The following ANO3 variants were observed in gnomAD, a reference collection of about 807,000 sequenced individuals.
ANO3 encodes the protein anoctamin 3.
In ANO3, 99 loss-of-function variants were observed where a neutral mutation model predicts 144.8. The ratio of observed to expected loss-of-function variants is 0.68; its 90% confidence interval spans 0.58 to 0.81. The LOEUF is 0.81. ANO3 is among the 30% of genes least tolerant of loss of function. The pLI, the probability that ANO3 is intolerant of heterozygous loss-of-function variation, is 0.00. For missense variants in ANO3, 905 were observed against 1,202.2 expected (o/e 0.75, Z 3.66); for synonymous variants, 414 against 392.6 (o/e 1.05, Z -0.64).
chr11:26,425,993 T>C (rs1264215204), intron 1 of ANO3, among the ~76,000 whole-genome samples: 1 of 152,138 alleles, frequency 6.6e-6, no homozygotes, highest in African/African-American at 2.4e-5. Context: ...TCCCGTGTAG[T>C]CTTAGTTTCT....
chr11:26,604,310 T>A (rs924112667), intron 17 of ANO3, among the ~76,000 whole-genome samples: 1 of 152,224 alleles, frequency 6.6e-6, no homozygotes, highest in African/African-American at 2.4e-5. Context: ...TTTTGGTTAC[T>A]GTAGCCTTGT....
intron 1 of ANO3, among the ~76,000 whole-genome samples, chr11:26,359,676 C>G (rs1855872496): frequency 6.6e-6 from 1 of 152,102 alleles, no homozygotes; most frequent in Non-Finnish European, 1.5e-5. Flanking sequence ...ATTTGGATTT[C>G]CTCTCAGTGC....
chr11:26,564,763 A>T (rs1197957646), intron 14 of ANO3, among the ~76,000 whole-genome samples: 3 of 98,766 alleles, frequency 3.0e-5, no homozygotes, highest in Non-Finnish European at 3.9e-5. Flanking sequence ...ATATATATAT[A>T]TATATATATA....
chr11:26,658,114 GT>G (rs375719146), intron 26 of ANO3, among the ~76,000 whole-genome samples: 41 of 48,714 alleles, frequency 8.4e-4, no homozygotes, highest in African/African-American at 1.8e-3. Context: ...ACTTACACTT[GT>G]CTTTAATCCA....
chr11:26,578,030 G>A (rs981321975), intron 14 of ANO3, among the ~76,000 whole-genome samples: 2 of 152,178 alleles, frequency 1.3e-5, no homozygotes, highest in Non-Finnish European at 2.9e-5. Context: ...AAAGTATGTC[G>A]TGGGAGCACA....
chr11:26,368,276 A>T (rs865905019), intron 1 of ANO3, among the ~76,000 whole-genome samples: 7 of 152,182 alleles, frequency 4.6e-5, no homozygotes, highest in African/African-American at 1.2e-4. Flanking sequence ...ATAATGATAG[A>T]TGGCTCTTCA....
intron 4 of ANO3, among the ~76,000 whole-genome samples, chr11:26,490,094 G>A (rs7938919): frequency 0.91 from 138,100 of 152,138 alleles, 63,320 homozygotes; most frequent in South Asian, 0.97. Context: ...ATCTCCCAGA[G>A]TTCCCATGTG....
chr11:26,532,579 C>CT (rs1849401358), intron 8 of ANO3, among the ~76,000 whole-genome samples: 1 of 152,018 alleles, frequency 6.6e-6, no homozygotes, highest in Admixed American at 6.6e-5. Context: ...AGCACTATCA[C>CT]CCCATCTTCT....
chr11:26,476,930 T>TGAGAGAGAGAGA (rs1491571549), intron 4 of ANO3, among the ~76,000 whole-genome samples: 1 of 144,902 alleles, frequency 6.9e-6, no homozygotes, highest in African/African-American at 2.6e-5. Flanking sequence ...TGTGTGTGTG[T>TGAGAGAGAGAGA]GTGAGAGAGA....
At position 26,643,320 on chromosome 11, in the gene ANO3, G is replaced by A. The variant is rs764264992; in HGVS notation, c.2414G>A (p.Arg805Gln). The change falls in exon 23 of 27, where the codon CGA becomes CAA. Residue 805 changes from arginine to glutamine, a missense_variant. This residue lies in a region of ANO3 where 597 missense variants were observed against 865.1 expected (regional missense o/e 0.69). Coordinates refer to ENST00000256737, the MANE Select transcript of ANO3 (RefSeq NM_031418.4). ...VTQWRRPLPA[R>Q]ATDIGIWLGI... ...CAATGGCGGAGGCCTTTGCCAGCCC[G>A]AGCAACTGACATAGGTAAGATTCGG... 6 of 1,613,836 alleles carry A rather than the reference G, an allele frequency of 3.7e-6. No homozygotes were observed. Among genetic ancestry groups the A allele is most frequent in the Non-Finnish European group, 4.2e-6 (5 of 1,179,966 alleles).
intron 11 of ANO3, among the ~76,000 whole-genome samples, chr11:26,545,627 T>C (rs1370369155): frequency 1.3e-5 from 2 of 151,848 alleles, no homozygotes; most frequent in Non-Finnish European, 2.9e-5. Context: ...AAAGCATAGA[T>C]TTCCACATGG....
intron 1 of ANO3, among the ~76,000 whole-genome samples, chr11:26,299,756 A>T (rs1854181792): frequency 6.6e-6 from 1 of 152,142 alleles, no homozygotes. Flanking sequence ...GGAGTGAGGG[A>T]TAGAAACTAC....
Position 26,663,070 on chromosome 11 carries a change from G to T in ANO3, c.*2626G>T, listed in dbSNP as rs3550. ...TGTTCCAAGCTGAAGAGCTTTCACT[G>T]TACAATGTGTGGAAAATCACCATAG... On this transcript the variant is annotated 3_prime_UTR_variant, in exon 27 of 27. Coordinates refer to ENST00000256737, the MANE Select transcript of ANO3 (RefSeq NM_031418.4). 47,170 of 152,132 alleles carry T rather than the reference G, an allele frequency of 0.31. 9,126 individuals are homozygous for T. Among genetic ancestry groups the T allele is most frequent in the South Asian group, 0.48 (2,301 of 4,816 alleles). The allele number at this position is 152,132 out of a possible 1,614,324, so 9.4% of individuals were successfully genotyped here.
intron 17 of ANO3, among the ~76,000 whole-genome samples, chr11:26,616,020 AT>A (rs1266019001): frequency 6.6e-6 from 1 of 152,194 alleles, no homozygotes; most frequent in Non-Finnish European, 1.5e-5. Flanking sequence ...GTTTTAAAAA[AT>A]ATTTAATTAG....
intron 1 of ANO3, among the ~76,000 whole-genome samples, chr11:26,423,977 A>C (rs1456472486): frequency 6.6e-6 from 1 of 151,752 alleles, no homozygotes; most frequent in Admixed American, 6.6e-5. Context: ...TTGTTTAAAA[A>C]TGTTTTTTTT....
In ANO3 at chr11:26,522,532, C is replaced by T. The variant is rs184635549; in HGVS notation, c.693-3103C>T. ...GACACAAGGTATAAAATAGCAGAAC[C>T]TTTCAAATGAAAAATTAAGGGAAAA... On this transcript the variant is annotated intron_variant, in intron 6 of 26. Coordinates refer to ENST00000256737, the MANE Select transcript of ANO3 (RefSeq NM_031418.4). Among the ~76,000 whole-genome samples, 11 of 152,112 alleles carry T rather than the reference C, an allele frequency of 7.2e-5. No individual in the cohort carries two copies. In the East Asian group the frequency reaches 1.9e-3, roughly 27 times the overall value.
chr11:26,600,960 T>C (rs1851786290), intron 17 of ANO3, among the ~76,000 whole-genome samples: 1 of 152,138 alleles, frequency 6.6e-6, no homozygotes, highest in African/African-American at 2.4e-5. Context: ...AGAGTATGCA[T>C]AGGCCTACCT....
At chr11:26,277,993 A>C (rs181238575) in intron 1 of ANO3, among the ~76,000 whole-genome samples, 1 of 152,230 alleles carries the variant, frequency 6.6e-6, no homozygotes, top group Admixed American at 6.5e-5. Flanking sequence ...TTTCCTTGTA[A>C]GACATTTTGG....
rs1275068124 is a variant in ANO3, at chr11:26,443,740, T to C, written c.242-25T>C. ...TTGTTATGCTTTTATTTCCCAAAAC[T>C]ACAAAGTATCTTATTTTATTTCAGT... On this transcript the variant is annotated intron_variant, in intron 2 of 26. Coordinates refer to ENST00000256737, the MANE Select transcript of ANO3 (RefSeq NM_031418.4). 4.2e-6 allele frequency: 5 copies of C among 1,184,224 alleles called. No individual in the cohort carries two copies. In the Admixed American group the frequency reaches 8.6e-5, roughly 20 times the overall value. The allele number at this position is 1,184,224 out of a possible 1,614,324, so 73.4% of individuals were successfully genotyped here.
Sources: gnomAD v4.1 joint callset for allele counts (sites outside exome capture counted in the v4.1 genomes callset) on GRCh38, gnomAD v4.1.1 for gene constraint, gnomAD v4.1.1 regional missense constraint, MANE v1.5 for transcripts, NCBI Gene and HGNC (gene_info 2026-07-23, HGNC 2026-07-21) for gene names.